The following KCNIP4 variants were observed in gnomAD, a reference collection of about 807,000 sequenced individuals.
KCNIP4 encodes Kv channel-interacting protein 4.
KCNIP4 carries 12 observed loss-of-function variants against 34.0 expected under a neutral mutation model. That is an observed-to-expected ratio of 0.35 (90% CI 0.23 to 0.57). The LOEUF (loss-of-function observed/expected upper bound fraction) is 0.57. KCNIP4 is among the 20% of genes least tolerant of loss of function. KCNIP4 has a pLI of 0.83. For synonymous variants in KCNIP4, 124 were observed against 102.2 expected (o/e 1.21, Z -1.29); for missense variants, 238 against 311.7 (o/e 0.76, Z 1.78).
At chr4:21,113,492 C>T (rs959174183) in intron 1 of KCNIP4, among the ~76,000 whole-genome samples, 1 of 127,970 alleles carries the variant, frequency 7.8e-6, no homozygotes, top group Non-Finnish European at 1.7e-5. Context: ...GAAAGCTATA[C>T]TCAGTGGGAA....
At chr4:21,827,233 G>A (rs1468716910) in intron 1 of KCNIP4, among the ~76,000 whole-genome samples, 1 of 151,916 alleles carries the variant, frequency 6.6e-6, no homozygotes, top group Non-Finnish European at 1.5e-5. Flanking sequence ...AGTGTATGGT[G>A]GTTTTATTCA....
chr4:21,232,855 A>T (rs781330905), intron 1 of KCNIP4, among the ~76,000 whole-genome samples: 2 of 152,154 alleles, frequency 1.3e-5, no homozygotes, highest in Non-Finnish European at 2.9e-5. Context: ...AGTATCATAT[A>T]TGAGATTTGG....
chr4:20,807,818 G>C (rs931711651), intron 3 of KCNIP4, among the ~76,000 whole-genome samples: 1 of 152,086 alleles, frequency 6.6e-6, no homozygotes, highest in East Asian at 1.9e-4. Flanking sequence ...ACAATTCTTG[G>C]CACTAAGATT....
intron 1 of KCNIP4, among the ~76,000 whole-genome samples, chr4:21,766,406 G>C (rs1718420487): frequency 6.6e-6 from 1 of 152,086 alleles, no homozygotes; most frequent in Non-Finnish European, 1.5e-5. Flanking sequence ...AGTTTGAGCT[G>C]GGACTCACAT....
chr4:21,040,107 G>A (rs1741824431), intron 1 of KCNIP4, among the ~76,000 whole-genome samples: 1 of 152,122 alleles, frequency 6.6e-6, no homozygotes, highest in Non-Finnish European at 1.5e-5. Context: ...CAGCATGTGG[G>A]ATGCTGCCCC....
chr4:21,674,780 T>A (rs1749762770), intron 1 of KCNIP4, among the ~76,000 whole-genome samples: 6 of 152,194 alleles, frequency 3.9e-5, no homozygotes, highest in Admixed American at 3.9e-4. Flanking sequence ...ATCCCATTCA[T>A]GGTTGAACAG....
chr4:20,972,647 G>A (rs1178587248), intron 1 of KCNIP4, among the ~76,000 whole-genome samples: 1 of 152,010 alleles, frequency 6.6e-6, no homozygotes. Flanking sequence ...ATTTAGTATA[G>A]TTTTTTTTAA....
intron 1 of KCNIP4, among the ~76,000 whole-genome samples, chr4:20,947,296 G>C (rs896907300): frequency 6.6e-6 from 1 of 152,156 alleles, no homozygotes; most frequent in Admixed American, 6.5e-5. Flanking sequence ...AGCCTTCTGA[G>C]TAGCTGGGAT....
intron 1 of KCNIP4, among the ~76,000 whole-genome samples, chr4:21,593,204 CAG>C (rs1330130350): frequency 5.3e-5 from 8 of 151,380 alleles, no homozygotes; most frequent in African/African-American, 1.9e-4. Context: ...GGGCAAGGAG[CAG>C]AGTGTTTGTG....
intron 1 of KCNIP4, among the ~76,000 whole-genome samples, chr4:21,330,547 A>C (rs1715524808): frequency 6.6e-6 from 1 of 152,196 alleles, no homozygotes; most frequent in African/African-American, 2.4e-5. Flanking sequence ...CCAGTTTACA[A>C]GGTACAGAAA....
At chr4:21,219,327 C>T (rs1022991433) in intron 1 of KCNIP4, among the ~76,000 whole-genome samples, 1 of 152,170 alleles carries the variant, frequency 6.6e-6, no homozygotes, top group African/African-American at 2.4e-5. Context: ...ATTGGAGACC[C>T]CACTGATGTC....
chr4:21,167,149 A>C (rs987553268), intron 1 of KCNIP4, among the ~76,000 whole-genome samples: 1 of 152,100 alleles, frequency 6.6e-6, no homozygotes, highest in Non-Finnish European at 1.5e-5. Flanking sequence ...TTGTCAAAAC[A>C]GAAAAAAACC....
chr4:21,876,621 C>T (rs920469719), intron 1 of KCNIP4, among the ~76,000 whole-genome samples: 6 of 152,138 alleles, frequency 3.9e-5, no homozygotes, highest in African/African-American at 1.4e-4. Context: ...AAATAAAATG[C>T]TATTTTAAAA....
intron 1 of KCNIP4, among the ~76,000 whole-genome samples, chr4:20,953,673 C>CA (rs1733019364): frequency 6.6e-6 from 1 of 151,998 alleles, no homozygotes; most frequent in African/African-American, 2.4e-5. Context: ...GACTCCGTCT[C>CA]AAAAATAAAT....
intron 1 of KCNIP4, among the ~76,000 whole-genome samples, chr4:21,710,182 A>G (rs937779961): frequency 6.6e-6 from 1 of 152,188 alleles, no homozygotes; most frequent in Non-Finnish European, 1.5e-5. Flanking sequence ...TCTAAATTCA[A>G]TTTCAACTAG....
chr4:20,801,235 C>T (rs1310474063), intron 3 of KCNIP4, among the ~76,000 whole-genome samples: 2 of 150,334 alleles, frequency 1.3e-5, no homozygotes, highest in Non-Finnish European at 3.0e-5. Context: ...CAAGCAAAAG[C>T]TAAATCCATC....
intron 1 of KCNIP4, among the ~76,000 whole-genome samples, chr4:21,184,103 T>G (rs541450084): frequency 1.3e-5 from 2 of 152,270 alleles, no homozygotes; most frequent in East Asian, 3.9e-4. Flanking sequence ...AGCTTGGGTT[T>G]GAATCCCATC....
chr4:21,327,525 T>G (rs1194637164), intron 1 of KCNIP4, among the ~76,000 whole-genome samples: 1 of 152,126 alleles, frequency 6.6e-6, no homozygotes, highest in African/African-American at 2.4e-5. Flanking sequence ...TTTGAAGTAG[T>G]GTTATTTGAG....
chr4:21,605,904 G>A lies in KCNIP4; in HGVS notation c.61+342667C>T, dbSNP rs150573740. 3.2e-3 allele frequency among the ~76,000 whole-genome samples: 485 copies of A among 152,280 alleles called. 2 individuals carry two copies. Among genetic ancestry groups the A allele is most frequent in the African/African-American group, 0.011 (450 of 41,550 alleles). The stretch of plus-strand genomic sequence containing the variant: ...GAGGAGTTAGTGGCTCTGAGTAGAC[G>A]CAAGTTGAGGGAGTCTTCTTCCAGA... On this transcript the variant is annotated intron_variant, in intron 1 of 8. Transcript: ENST00000382152.
Sources: gnomAD v4.1 joint callset for allele counts (sites outside exome capture counted in the v4.1 genomes callset) on GRCh38, gnomAD v4.1.1 for gene constraint, MANE v1.5 for transcripts, NCBI Gene and HGNC (gene_info 2026-07-23, HGNC 2026-07-21) for gene names.